The following PIK3AP1 variants were observed in gnomAD, a reference collection of about 807,000 sequenced individuals.
The protein encoded by PIK3AP1 is phosphoinositide 3-kinase adapter protein 1.
Under a neutral mutation model 88.1 loss-of-function variants are expected in PIK3AP1, and 21 were observed. The ratio of observed to expected loss-of-function variants is 0.24; its 90% confidence interval spans 0.17 to 0.34. The LOEUF (loss-of-function observed/expected upper bound fraction) is 0.34, where lower values mean the gene tolerates loss of function less well. PIK3AP1 is among the 10% of genes least tolerant of loss of function. The pLI, the probability that PIK3AP1 is intolerant of heterozygous loss-of-function variation, is 1.00. For missense variants in PIK3AP1, 828 were observed against 1,035.7 expected, an observed-to-expected ratio of 0.80 and a Z score of 2.75; for synonymous variants, 398 against 400.0, an observed-to-expected ratio of 1.00 and a Z score of 0.06.
chr10:96,718,112 T>C (rs900964280), intron 1 of PIK3AP1, among the ~76,000 whole-genome samples: 5 of 152,130 alleles, frequency 3.3e-5, no homozygotes, highest in Admixed American at 1.3e-4. Context: ...GAGAAATCTA[T>C]AGAGGCAAAG....
intron 8 of PIK3AP1, among the ~76,000 whole-genome samples, chr10:96,642,930 C>T (rs1428156511): frequency 6.6e-6 from 1 of 152,176 alleles, no homozygotes; most frequent in Admixed American, 6.6e-5. Context: ...AGTTTCATAG[C>T]AAAGACACAG....
At chr10:96,626,623 A>G (rs754952806) in intron 10 of PIK3AP1, 85 bp downstream of exon 10, 6 of 1,406,618 alleles carry the variant, frequency 4.3e-6, no homozygotes, top group Non-Finnish European at 5.8e-6. Flanking sequence ...TCTCTGAGCA[A>G]TGGTTCAAAA....
At chr10:96,714,504 G>A (rs1844477878) in intron 1 of PIK3AP1, among the ~76,000 whole-genome samples, 1 of 152,170 alleles carries the variant, frequency 6.6e-6, no homozygotes. Flanking sequence ...ATATAGTTTA[G>A]AAAATACAGT....
intron 2 of PIK3AP1, among the ~76,000 whole-genome samples, chr10:96,708,894 G>A (rs1844401101): frequency 6.6e-6 from 1 of 152,160 alleles, no homozygotes; most frequent in South Asian, 2.1e-4. Context: ...ACTTTGGGAG[G>A]CTGAGGCGGG....
At position 96,645,816 on chromosome 10, in the gene PIK3AP1, A is replaced by G. The variant is rs1843451697; in HGVS notation, c.1186-154T>C. On this transcript the variant is annotated intron_variant, in intron 7 of 16. Coordinates refer to ENST00000339364, the MANE Select transcript of PIK3AP1 (RefSeq NM_152309.3). ...GTATTTGTATTTTCCCACCTGACTG[A>G]ACGCTCCTTGAGGCCAGGCTTCCCA... is the stretch of plus-strand genomic sequence containing the variant. Among the ~76,000 whole-genome samples the G allele has an allele frequency of 2.0e-5, 3 of 152,234 alleles. No individual in the cohort carries two copies. In the South Asian group the frequency reaches 6.2e-4, roughly 31 times the overall value.
chr10:96,653,627 A>G (rs963076440), intron 3 of PIK3AP1, among the ~76,000 whole-genome samples: 1 of 151,248 alleles, frequency 6.6e-6, no homozygotes, highest in African/African-American at 2.4e-5. Flanking sequence ...AGCTGAGATT[A>G]CAGACACCTG....
At chr10:96,708,912 T>TGAG (rs1422192856) in intron 2 of PIK3AP1, among the ~76,000 whole-genome samples, 3 of 151,894 alleles carry the variant, frequency 2.0e-5, no homozygotes, top group Non-Finnish European at 4.4e-5. Flanking sequence ...GGGTGGATCA[T>TGAG]TTGATATCAG....
At chr10:96,639,777 A>C (rs1000073275) in intron 8 of PIK3AP1, among the ~76,000 whole-genome samples, 8 of 152,264 alleles carry the variant, frequency 5.3e-5, no homozygotes. Context: ...ACAGAGCCTC[A>C]GCAGTCACAG....
At chr10:96,668,278 G>A (rs1281799566) in intron 2 of PIK3AP1, among the ~76,000 whole-genome samples, 2 of 152,124 alleles carry the variant, frequency 1.3e-5, no homozygotes, top group Admixed American at 6.6e-5. Context: ...TGAATTGTAT[G>A]GTACATGAAT....
At position 96,626,841 on chromosome 10, in the gene PIK3AP1, A is replaced by C; in HGVS notation, c.1536T>G (p.Val512=). 6.2e-7 allele frequency: 1 copy of C among 1,614,220 alleles called. No individual in the cohort carries two copies. ...DQCHLGQEED[V]YHTVDDDEAF... is the part of the protein sequence containing the mutation. ...CCTCATCGTCATCCACCGTGTGATA[A>C]ACATCTTCTTCCTGACCAAGATGGC... The change falls in exon 10 of 17, where the codon GTT becomes GTG. Residue 512 remains valine (V), a synonymous_variant. Transcript: ENST00000339364.
chr10:96,661,826 ACAGG>A (rs1248467540), intron 2 of PIK3AP1, among the ~76,000 whole-genome samples: 157 of 145,770 alleles, frequency 1.1e-3, no homozygotes, highest in African/African-American at 2.8e-3. Context: ...ACAGGACAGG[ACAGG>A]AAAGGAAAGG....
Position 96,595,413 on chromosome 10 carries a change from A to G in PIK3AP1, c.*164T>C. 4.2e-6 allele frequency: 3 copies of G among 718,342 alleles called. No individual in the cohort carries two copies. Among genetic ancestry groups the G allele is most frequent in the East Asian group, 5.4e-5 (2 of 36,834 alleles). The allele number at this position is 718,342 out of a possible 1,614,324, so 44.5% of individuals were successfully genotyped here. On this transcript the variant is annotated 3_prime_UTR_variant, in exon 17 of 17. Transcript: ENST00000339364. The stretch of plus-strand genomic sequence containing the variant: ...TTTCACTTCTTCGTGCCTTAATAAA[A>G]TCTTCGAGGCAAGCCCAAACCAGCA...
intron 2 of PIK3AP1, among the ~76,000 whole-genome samples, chr10:96,670,892 G>A (rs1276214882): frequency 6.6e-6 from 1 of 152,144 alleles, no homozygotes; most frequent in East Asian, 1.9e-4. Context: ...GCCTCCAGAT[G>A]CATAAAATAA....
chr10:96,668,166 A>C (rs2134250635), intron 2 of PIK3AP1, among the ~76,000 whole-genome samples: 1 of 152,368 alleles, frequency 6.6e-6, no homozygotes, highest in Non-Finnish European at 1.5e-5. Flanking sequence ...GTATACTTTA[A>C]ATTGGTTAAA....
chr10:96,604,629 A>T (rs143532591), intron 14 of PIK3AP1, among the ~76,000 whole-genome samples: 6 of 152,250 alleles, frequency 3.9e-5, no homozygotes, highest in Non-Finnish European at 2.9e-5. Flanking sequence ...TTTAACCCCT[A>T]TGAAAATCCT....
At chr10:96,619,839 T>C (rs1843052530) in intron 12 of PIK3AP1, among the ~76,000 whole-genome samples, 1 of 152,234 alleles carries the variant, frequency 6.6e-6, no homozygotes, top group Non-Finnish European at 1.5e-5. Flanking sequence ...TTTATATACA[T>C]GTCCATAGAA....
chr10:96,673,545 A>G (rs949018594), intron 2 of PIK3AP1, among the ~76,000 whole-genome samples: 21 of 152,134 alleles, frequency 1.4e-4, no homozygotes, highest in African/African-American at 4.8e-4. Flanking sequence ...AGACACTTAT[A>G]AATGTGCTTC....
chr10:96,701,035 G>T, intron 2 of PIK3AP1: 1 of 237,000 alleles, frequency 4.2e-6, no homozygotes, highest in Non-Finnish European at 6.9e-6. Flanking sequence ...ACCAGGCATG[G>T]AGCAAAGCTC....
Position 96,709,599 on chromosome 10 carries a change from T to A in PIK3AP1, c.398A>T (p.Tyr133Phe). The change falls in exon 2 of 17, where the codon TAC (tyrosine) becomes TTC (phenylalanine). Residue 133 changes from tyrosine to phenylalanine, a missense_variant. Physicochemically the swap from Tyr to Phe is conservative, Grantham distance 22 (BLOSUM62 3). Transcript: ENST00000339364. ...AATGGCTTTTTTCACAGCTGCCACG[T>A]AGGTCTCTGGCTCATCGTCACAGGT... is the stretch of plus-strand genomic sequence containing the variant. ...ELTCDDEPET[Y>F]VAAVKKAISE... The A allele has an allele frequency of 6.2e-7, 1 of 1,612,510 alleles. No homozygotes were observed. The highest frequency in any genetic ancestry group is 1.7e-5 in the Admixed American group (1 of 59,608).
Sources: gnomAD v4.1 joint callset for allele counts (sites outside exome capture counted in the v4.1 genomes callset) on GRCh38, gnomAD v4.1.1 for gene constraint, MANE v1.5 for transcripts, NCBI Gene and HGNC (gene_info 2026-07-23, HGNC 2026-07-21) for gene names.